Variants in CPQ observed in about 807,000 individuals in gnomAD.
CPQ encodes Ser-Met dipeptidase.
A neutral mutation model predicts 45.7 loss-of-function variants in CPQ; 37 were observed. That is an observed-to-expected ratio of 0.81 (90% confidence interval 0.62 to 1.07). CPQ has a LOEUF of 1.07. Among genes scored for constraint, CPQ ranks in the 50% least tolerant of loss-of-function variants. The pLI, the probability that CPQ is intolerant of heterozygous loss-of-function variation, is 0.00. For synonymous variants in CPQ, 186 were observed against 205.8 expected, an observed-to-expected ratio of 0.90 and a Z score of 0.82; for missense variants, 537 against 572.9, an observed-to-expected ratio of 0.94 and a Z score of 0.64.
At chr8:96,975,833 G>A (rs892730519) in intron 5 of CPQ, among the ~76,000 whole-genome samples, 7 of 152,042 alleles carry the variant, frequency 4.6e-5, no homozygotes, top group Non-Finnish European at 1.0e-4. Flanking sequence ...TGGCATAGAA[G>A]GGACATACCT....
intron 6 of CPQ, among the ~76,000 whole-genome samples, chr8:97,039,205 C>T (rs925223280): frequency 1.3e-5 from 2 of 152,016 alleles, no homozygotes; most frequent in Admixed American, 6.6e-5. Flanking sequence ...ATGTACTTCC[C>T]GAGTATTTCT....
chr8:96,688,478 C>T (rs539980540), intron 1 of CPQ, among the ~76,000 whole-genome samples: 439 of 152,266 alleles, frequency 2.9e-3, no homozygotes, highest in African/African-American at 9.9e-3. Flanking sequence ...TATCTTATCA[C>T]ACTTTGTTCA....
At position 96,655,544 on chromosome 8, in the gene CPQ, A is replaced by G. The variant is rs535878840; in HGVS notation, c.-35+10142A>G. Among the ~76,000 whole-genome samples the G allele has an allele frequency of 2.0e-5, 3 of 152,128 alleles. No homozygotes were observed. The South Asian group carries it at 6.2e-4, about 32-fold the overall frequency. The stretch of plus-strand genomic sequence containing the variant: ...GATTTTTCTGAATCTTTTTTCTGCC[A>G]CTTTATAGATCTTCATTTTTTAGTC... On this transcript the variant is annotated intron_variant, in intron 1 of 7. Transcript: ENST00000220763.
chr8:96,786,688 T>C (rs1810772822), intron 2 of CPQ, among the ~76,000 whole-genome samples: 1 of 152,154 alleles, frequency 6.6e-6, no homozygotes. Flanking sequence ...ACACTTGTTA[T>C]TATCTGTCTT....
intron 5 of CPQ, among the ~76,000 whole-genome samples, chr8:96,978,452 A>G (rs1813826489): frequency 6.6e-6 from 1 of 152,242 alleles, no homozygotes. Context: ...CTTAGGCTAC[A>G]TGAATATTGC....
At chr8:96,880,576 T>TATATATATATATATATATATACATAC (rs1359946797) in intron 4 of CPQ, among the ~76,000 whole-genome samples, 1 of 83,138 alleles carries the variant, frequency 1.2e-5, no homozygotes. Flanking sequence ...TATATATATA[T>TATATATATATATATATATATACATAC]ACCATGGAAT....
rs61343547 is a variant in CPQ, at chr8:96,708,419, ATGTGTG to A, written c.-35+63031_-35+63036del. On this transcript the variant is annotated intron_variant, in intron 1 of 7. Transcript: ENST00000220763. Reference sequence around the variant, plus strand: ...TTAATGAAAAGACAAGGTAAGCCATATGTGTGTGTGTGTGTGTGTATATATATATAT... The same window carrying A: ...TTAATGAAAAGACAAGGTAAGCCATATGTGTGTGTGTGTATATATATATAT... 5.0e-3 allele frequency among the ~76,000 whole-genome samples: 696 copies of A among 138,092 alleles called. 2 individuals carry two copies. Among genetic ancestry groups the A allele is most frequent in the African/African-American group, 6.3e-3 (244 of 38,692 alleles). 90.6% of individuals were successfully genotyped at this position (138,092 alleles called of 152,430 possible).
At chr8:96,850,584 T>TTTA (rs537840613) in intron 3 of CPQ, among the ~76,000 whole-genome samples, 62 of 136,636 alleles carry the variant, frequency 4.5e-4, no homozygotes, top group South Asian at 2.3e-3. Flanking sequence ...TTTTATTTTA[T>TTTA]TTTATTTATT....
chr8:96,931,536 G>T (rs1011592041), intron 4 of CPQ, among the ~76,000 whole-genome samples: 1 of 152,106 alleles, frequency 6.6e-6, no homozygotes, highest in Non-Finnish European at 1.5e-5. Flanking sequence ...CACCTAGGCT[G>T]GGTGAAGCTT....
At chr8:96,843,133 T>C (rs1174211070) in intron 3 of CPQ, among the ~76,000 whole-genome samples, 1 of 152,046 alleles carries the variant, frequency 6.6e-6, no homozygotes, top group African/African-American at 2.4e-5. Context: ...TCTTGAACTC[T>C]CGACCTCAGG....
chr8:96,953,628 G>A (rs1464197893), intron 4 of CPQ, among the ~76,000 whole-genome samples: 1 of 152,014 alleles, frequency 6.6e-6, no homozygotes, highest in Non-Finnish European at 1.5e-5. Flanking sequence ...GAAACAAAAG[G>A]GAGTAAAAAA....
At chr8:96,871,406 G>C (rs1367778733) in intron 3 of CPQ, among the ~76,000 whole-genome samples, 1 of 151,842 alleles carries the variant, frequency 6.6e-6, no homozygotes, top group African/African-American at 2.4e-5. Context: ...TGTAACTGAT[G>C]GTGTAACGCA....
At chr8:96,851,569 G>A (rs1811771625) in intron 3 of CPQ, among the ~76,000 whole-genome samples, 2 of 152,174 alleles carry the variant, frequency 1.3e-5, no homozygotes, top group Non-Finnish European at 2.9e-5. Context: ...AGAGGGACAA[G>A]TGAACCAAAT....
chr8:96,717,029 ATAT>A (rs1809685526), intron 1 of CPQ, among the ~76,000 whole-genome samples: 5 of 12,866 alleles, frequency 3.9e-4, no homozygotes, highest in South Asian at 8.5e-3. Flanking sequence ...ATATAAATAT[ATAT>A]ATATATATAT....
intron 6 of CPQ, among the ~76,000 whole-genome samples, chr8:97,060,395 C>T (rs780984561): frequency 1.3e-5 from 2 of 152,042 alleles, no homozygotes; most frequent in Admixed American, 6.6e-5. Context: ...ATTATGAATC[C>T]TCAACCCTGA....
rs34830752 is a variant in CPQ, at chr8:97,099,115, C to CTTTTTTTTTTTT, written c.1255+32921_1255+32932dup. ...GAAGTCCCAAAACTCCCTTCTCTCTCTTTTTTTTTTTTTTTTTTTTTTTTT... is the reference window on the plus strand; with the variant it reads ...GAAGTCCCAAAACTCCCTTCTCTCTCTTTTTTTTTTTTTTTTTTTTTTTTTTTTTTTTTTTTT... On this transcript the variant is annotated intron_variant, in intron 7 of 7. Transcript: ENST00000220763. Among the ~76,000 whole-genome samples the CTTTTTTTTTTTT allele has an allele frequency of 3.2e-4, 21 of 66,338 alleles. 2 individuals are homozygous for CTTTTTTTTTTTT. The highest frequency in any genetic ancestry group is 3.9e-4 in the Non-Finnish European group (15 of 38,590). The allele number at this position is 66,338 out of a possible 152,430, so 43.5% of individuals were successfully genotyped here.
At chr8:97,078,956 C>T (rs1810901734) in intron 7 of CPQ, among the ~76,000 whole-genome samples, 2 of 151,986 alleles carry the variant, frequency 1.3e-5, no homozygotes, top group Admixed American at 1.3e-4. Flanking sequence ...CGCCATTGTG[C>T]CCAGCTAATT....
At chr8:96,970,077 G>C (rs2130369892) in intron 5 of CPQ, among the ~76,000 whole-genome samples, 1 of 152,254 alleles carries the variant, frequency 6.6e-6, no homozygotes, top group East Asian at 1.9e-4. Flanking sequence ...CTTAGAAATG[G>C]GGACCCATCT....
intron 1 of CPQ, among the ~76,000 whole-genome samples, chr8:96,709,018 C>T (rs1809571809): frequency 6.6e-6 from 1 of 151,994 alleles, no homozygotes; most frequent in South Asian, 2.1e-4. Flanking sequence ...CTGAGATTCT[C>T]ATTTGTTTAT....
Sources: allele counts gnomAD v4.1 joint callset (sites outside exome capture counted in the v4.1 genomes callset), GRCh38; gene constraint gnomAD v4.1.1; transcripts MANE v1.5; gene names NCBI Gene and HGNC (gene_info 2026-07-23, HGNC 2026-07-21).